The following KCNH5 variants were observed in gnomAD, a reference collection of about 807,000 sequenced individuals.
KCNH5 encodes the protein potassium voltage-gated channel subfamily H member 5.
Under a neutral mutation model 96.1 loss-of-function variants are expected in KCNH5, and 46 were observed. The observed-to-expected ratio is 0.48, with a 90% CI of 0.38 to 0.61. KCNH5 has a LOEUF of 0.61. KCNH5 is among the 20% of genes least tolerant of loss of function. The pLI is 0.00. For missense variants in KCNH5, 907 were observed against 1,225.8 expected, an observed-to-expected ratio of 0.74 and a Z score of 3.88; for synonymous variants, 439 against 449.8, an observed-to-expected ratio of 0.98 and a Z score of 0.30.
Position 62,849,680 on chromosome 14 carries a change from G to A in KCNH5, c.1542C>T (p.Ser514=), listed in dbSNP as rs1887766158. The change falls in exon 8 of 11, where the codon TCC becomes TCT. Residue 514 remains serine (S), a synonymous_variant. Transcript: ENST00000322893. ...TTTCTGTATCAATGCCTTTTGACAT[G>A]GACCATGTTGAGACAATATAATCCA... ...RVMDYIVSTW[S]MSKGIDTEKV... The A allele has an allele frequency of 1.9e-6, 3 of 1,613,634 alleles. No individual in the cohort carries two copies. The highest frequency in any genetic ancestry group is 1.7e-6 in the Non-Finnish European group (2 of 1,179,742).
intron 10 of KCNH5, among the ~76,000 whole-genome samples, chr14:62,762,772 C>A (rs560013321): frequency 9.9e-5 from 15 of 150,902 alleles, no homozygotes; most frequent in Admixed American, 7.9e-4. Flanking sequence ...GACTTTAAAT[C>A]AAAAATAATG....
At chr14:62,893,866 T>C (rs1888758832) in intron 7 of KCNH5, among the ~76,000 whole-genome samples, 1 of 152,234 alleles carries the variant, frequency 6.6e-6, no homozygotes, top group African/African-American at 2.4e-5. Context: ...TTGCATGCTA[T>C]AGAGAAATCT....
intron 6 of KCNH5, among the ~76,000 whole-genome samples, chr14:62,951,693 G>A (rs982094088): frequency 1.6e-4 from 25 of 152,194 alleles, no homozygotes; most frequent in African/African-American, 6.0e-4. Context: ...GGGCACAGTG[G>A]CTCATGCCTG....
chr14:62,958,485 T>C (rs1000106083), intron 6 of KCNH5, among the ~76,000 whole-genome samples: 1 of 152,174 alleles, frequency 6.6e-6, no homozygotes, highest in Non-Finnish European at 1.5e-5. Context: ...AGCTCTGAAA[T>C]TTTGAATTGA....
intron 10 of KCNH5, among the ~76,000 whole-genome samples, chr14:62,738,967 C>T (rs939574743): frequency 1.3e-5 from 2 of 152,052 alleles, no homozygotes; most frequent in Admixed American, 1.3e-4. Context: ...TAAAGGACTT[C>T]AACAGGCAGA....
chr14:62,985,446 C>T (rs1240556831), intron 5 of KCNH5, among the ~76,000 whole-genome samples: 2 of 152,160 alleles, frequency 1.3e-5, no homozygotes, highest in Admixed American at 1.3e-4. Context: ...TGAAGTGCTT[C>T]GACTCACTTT....
At chr14:62,880,975 C>T (rs553177424) in intron 7 of KCNH5, among the ~76,000 whole-genome samples, 1 of 152,296 alleles carries the variant, frequency 6.6e-6, no homozygotes, top group South Asian at 2.1e-4. Flanking sequence ...TACATTGACA[C>T]AGAGGGAGAA....
chr14:62,950,667 T>G, intron 6 of KCNH5, 108 bp from the exon 7 acceptor site: 4 of 905,378 alleles, frequency 4.4e-6, no homozygotes, highest in Non-Finnish European at 6.4e-6. Context: ...CAATTATATA[T>G]TAAGAACATA....
intron 6 of KCNH5, among the ~76,000 whole-genome samples, chr14:62,951,957 C>T (rs1457242881): frequency 1.1e-4 from 9 of 79,242 alleles, no homozygotes; most frequent in Admixed American, 2.1e-4. Context: ...AGCGAGACTC[C>T]GTCTCAAAAA....
intron 6 of KCNH5, among the ~76,000 whole-genome samples, chr14:62,956,951 C>G (rs1244544709): frequency 6.6e-6 from 1 of 152,212 alleles, no homozygotes; most frequent in Non-Finnish European, 1.5e-5. Context: ...ACTTCAGTGG[C>G]TTTCTGCCTC....
In KCNH5 at chr14:62,950,536, A is replaced by G; in HGVS notation, c.966T>C (p.Ser322=). 3 of 1,581,826 alleles carry G rather than the reference A, an allele frequency of 1.9e-6. No individual in the cohort carries two copies. The highest frequency in any genetic ancestry group is 2.6e-6 in the Non-Finnish European group (3 of 1,168,224). The change falls in exon 7 of 11, where the codon TCT becomes TCC. Residue 322 remains serine, a synonymous_variant. Transcript: ENST00000322893. ...VDEGISSLFS[S]LKVVRLLRLG... ...GTCGTAAGAGACGCACCACTTTTAA[A>G]GAACTGAAGAGACTGCTGATTCCCT...
At chr14:62,985,105 C>G (rs753004305) in intron 5 of KCNH5, among the ~76,000 whole-genome samples, 10 of 152,166 alleles carry the variant, frequency 6.6e-5, no homozygotes, top group Non-Finnish European at 1.2e-4. Context: ...GCTCCAAAAT[C>G]TAAGCATTTT....
chr14:62,868,443 C>A (rs771140123), intron 7 of KCNH5, among the ~76,000 whole-genome samples: 5 of 152,090 alleles, frequency 3.3e-5, no homozygotes, highest in Non-Finnish European at 5.9e-5. Context: ...TTTGCCATTA[C>A]CTTCATTTAA....
At chr14:62,925,171 G>T (rs1479766242) in intron 7 of KCNH5, among the ~76,000 whole-genome samples, 1 of 151,856 alleles carries the variant, frequency 6.6e-6, no homozygotes, top group Non-Finnish European at 1.5e-5. Context: ...ACCACATTTT[G>T]TTGGTTAACC....
intron 4 of KCNH5, among the ~76,000 whole-genome samples, chr14:62,999,553 G>C (rs1239645492): frequency 6.6e-6 from 1 of 151,948 alleles, no homozygotes; most frequent in Non-Finnish European, 1.5e-5. Flanking sequence ...ATGAGTTTAT[G>C]TCCTTTGTAG....
intron 4 of KCNH5, among the ~76,000 whole-genome samples, chr14:62,997,730 T>C (rs1243325562): frequency 6.6e-6 from 1 of 151,388 alleles, no homozygotes. Context: ...ACCCCGTCTC[T>C]ACTAAAAATA....
chr14:62,902,202 A>C (rs565502022), intron 7 of KCNH5, among the ~76,000 whole-genome samples: 11 of 143,920 alleles, frequency 7.6e-5, no homozygotes, highest in African/African-American at 2.8e-4. Context: ...GCTATGCATA[A>C]CCTGTTTAGT....
intron 9 of KCNH5, among the ~76,000 whole-genome samples, chr14:62,795,281 C>G (rs1284104604): frequency 6.6e-6 from 1 of 152,060 alleles, no homozygotes; most frequent in African/African-American, 2.4e-5. Flanking sequence ...ATTATGAAAA[C>G]AGTTTGTTGG....
intron 7 of KCNH5, among the ~76,000 whole-genome samples, chr14:62,891,103 C>T (rs1167960898): frequency 6.6e-6 from 1 of 152,148 alleles, no homozygotes; most frequent in Non-Finnish European, 1.5e-5. Flanking sequence ...GACACATGCA[C>T]ACAACTGTTC....
Sources: gnomAD v4.1 joint callset for allele counts (sites outside exome capture counted in the v4.1 genomes callset) on GRCh38, gnomAD v4.1.1 for gene constraint, MANE v1.5 for transcripts, NCBI Gene and HGNC (gene_info 2026-07-23, HGNC 2026-07-21) for gene names.